FAM227A: variants seen among roughly 807,000 people sequenced by gnomAD.
FAM227A encodes family with sequence similarity 227 member A.
Under a neutral mutation model 74.7 loss-of-function variants are expected in FAM227A, and 80 were observed. That is an observed-to-expected ratio of 1.07 (90% CI 0.89 to 1.29). FAM227A has a LOEUF of 1.29. Among genes scored for constraint, FAM227A ranks in the 50% most tolerant of loss-of-function variants. FAM227A has a pLI of 0.00. For synonymous variants in FAM227A, 237 were observed against 241.8 expected (o/e 0.98, Z 0.19); for missense variants, 654 against 683.4 (o/e 0.96, Z 0.48).
intron 10 of FAM227A, 41 bp downstream of exon 10, chr22:38,623,131 G>T: frequency 7.5e-7 from 1 of 1,330,684 alleles, no homozygotes; most frequent in Non-Finnish European, 1.1e-6. Flanking sequence ...GTTGAGTATG[G>T]CAGTGGCAAA....
chr22:38,596,178 G>A (rs149804658), intron 15 of FAM227A, among the ~76,000 whole-genome samples: 1,529 of 152,100 alleles, frequency 0.01, 31 homozygotes, highest in African/African-American at 0.036. Flanking sequence ...AAAATTAGCC[G>A]GGCATGGTGG....
chr22:38,637,850 A>G (rs2092036156), intron 5 of FAM227A, among the ~76,000 whole-genome samples: 2 of 152,228 alleles, frequency 1.3e-5, no homozygotes, highest in Admixed American at 1.3e-4. Flanking sequence ...AGGTTTGGAT[A>G]CTTAAGACCT....
chr22:38,617,331 C>T (rs1396018511), intron 11 of FAM227A, among the ~76,000 whole-genome samples: 2 of 147,358 alleles, frequency 1.4e-5, no homozygotes, highest in Admixed American at 1.4e-4. Context: ...AGTCTTGCTC[C>T]GTCACCAAGG....
At position 38,581,285 on chromosome 22, in the gene FAM227A, C is replaced by T. The variant is rs370245471; in HGVS notation, c.*4840G>A. 5.7e-4 allele frequency: 87 copies of T among 152,180 alleles called. No individual in the cohort carries two copies. Among genetic ancestry groups the T allele is most frequent in the African/African-American group, 2.0e-3 (84 of 41,522 alleles). The allele number at this position is 152,180 out of a possible 1,614,324, so 9.4% of individuals were successfully genotyped here. ...TTAAGTGTGATAAGATGTTTCAGGT[C>T]TCATGATTTTCCTGCCCTAGACCTG... On this transcript the variant is annotated 3_prime_UTR_variant, in exon 17 of 17. Transcript: ENST00000535113.
chr22:38,631,306 T>A (rs1015100555), intron 6 of FAM227A, among the ~76,000 whole-genome samples: 1 of 152,122 alleles, frequency 6.6e-6, no homozygotes, highest in African/African-American at 2.4e-5. Context: ...AAATACTGCA[T>A]GTTCTCACTT....
chr22:38,626,506 G>A (rs1469574582), intron 8 of FAM227A, among the ~76,000 whole-genome samples: 1 of 151,720 alleles, frequency 6.6e-6, no homozygotes, highest in African/African-American at 2.4e-5. Context: ...CAGCCTTCTC[G>A]GTAGCTGGGA....
In FAM227A at chr22:38,628,815, CA is replaced by C; in HGVS notation, c.621+18del. The C allele has an allele frequency of 7.4e-7, 1 of 1,349,512 alleles. No homozygotes were observed. The highest frequency in any genetic ancestry group is 1.0e-6 in the Non-Finnish European group (1 of 970,204). 83.6% of individuals were successfully genotyped at this position (1,349,512 alleles called of 1,614,324 possible). The stretch of plus-strand genomic sequence containing the variant: ...AAATAACTTAAGCAAGGCAGAGAAA[CA>C]AGCAGATTTGTATTTACCTGGTACC... On this transcript the variant is annotated intron_variant, in intron 7 of 16. Coordinates refer to ENST00000535113, the MANE Select transcript of FAM227A (RefSeq NM_001013647.2).
chr22:38,648,713 C>A (rs1603083974), intron 2 of FAM227A, among the ~76,000 whole-genome samples: 1 of 151,418 alleles, frequency 6.6e-6, no homozygotes, highest in African/African-American at 2.4e-5. Context: ...TGGCTCACGC[C>A]TGTAATCCCA....
At chr22:38,615,780 A>G (rs1344214209) in intron 11 of FAM227A, among the ~76,000 whole-genome samples, 1 of 152,142 alleles carries the variant, frequency 6.6e-6, no homozygotes, top group Non-Finnish European at 1.5e-5. Context: ...TATCTGTAAA[A>G]GGTTACTCTG....
intron 6 of FAM227A, among the ~76,000 whole-genome samples, chr22:38,634,689 G>A (rs1476971080): frequency 1.3e-5 from 2 of 152,132 alleles, no homozygotes; most frequent in African/African-American, 4.8e-5. Flanking sequence ...GGAACGTGAT[G>A]CTCTGAGCAC....
chr22:38,646,249 T>C (rs928264085), intron 2 of FAM227A, among the ~76,000 whole-genome samples: 1 of 34,592 alleles, frequency 2.9e-5, no homozygotes. Context: ...CCAGTATTTC[T>C]TTTTTTTTTT....
chr22:38,639,500 C>T, intron 4 of FAM227A, 155 bp downstream of exon 4: 1 of 757,956 alleles, frequency 1.3e-6, no homozygotes, highest in East Asian at 2.7e-5. Flanking sequence ...CTCCCTCCTT[C>T]CTTGCCCAAT....
chr22:38,629,431 C>T (rs1298660386), intron 6 of FAM227A, among the ~76,000 whole-genome samples: 3 of 152,228 alleles, frequency 2.0e-5, no homozygotes, highest in Non-Finnish European at 4.4e-5. Flanking sequence ...GGCTCCAAAG[C>T]TCCCACTATA....
In FAM227A at chr22:38,581,307, C is replaced by A. The variant is rs1220781332; in HGVS notation, c.*4818G>T. ...GGTCTCATGATTTTCCTGCCCTAGA[C>A]CTGGAACTGATCATTTCTTCAAGGA... On this transcript the variant is annotated 3_prime_UTR_variant, in exon 17 of 17. Coordinates refer to ENST00000535113, the MANE Select transcript of FAM227A (RefSeq NM_001013647.2). The A allele has an allele frequency of 6.6e-6, 1 of 152,138 alleles. No homozygotes were observed. The highest frequency in any genetic ancestry group is 1.5e-5 in the Non-Finnish European group (1 of 68,028). The allele number at this position is 152,138 out of a possible 1,614,324, so 9.4% of individuals were successfully genotyped here. A position where few individuals can be genotyped will look rare whatever the true frequency, so the allele number is the denominator to read the frequency against.
At chr22:38,594,460 A>C (rs2146171575) in intron 15 of FAM227A, among the ~76,000 whole-genome samples, 1 of 152,366 alleles carries the variant, frequency 6.6e-6, no homozygotes, top group South Asian at 2.1e-4. Context: ...ACTTCGGTCC[A>C]ATAATATGTT....
chr22:38,628,802 C>G, intron 7 of FAM227A, 32 bp downstream of exon 7: 1 of 1,244,198 alleles, frequency 8.0e-7, no homozygotes, highest in East Asian at 2.5e-5. Context: ...ATAACTTAAG[C>G]AAGGCAGAGA....
At chr22:38,631,091 C>T (rs1049969312) in intron 6 of FAM227A, among the ~76,000 whole-genome samples, 1 of 152,150 alleles carries the variant, frequency 6.6e-6, no homozygotes, top group Non-Finnish European at 1.5e-5. Context: ...TCGCTTGAAC[C>T]TGGGAGGCGG....
In FAM227A at chr22:38,578,934, G is replaced by T. The variant is rs756529278; in HGVS notation, c.*7191C>A. ...TACCATGTGTCAGGCACTGTTCTAA[G>T]TGCCTCCCACAGATTCATGCATCCA... On this transcript the variant is annotated 3_prime_UTR_variant, in exon 17 of 17. Transcript: ENST00000535113. 2.0e-5 allele frequency: 3 copies of T among 152,186 alleles called. No individual in the cohort carries two copies. Among genetic ancestry groups the T allele is most frequent in the East Asian group, 1.9e-4 (1 of 5,200 alleles). The allele number at this position is 152,186 out of a possible 1,614,324, so 9.4% of individuals were successfully genotyped here.
In FAM227A at chr22:38,595,970, A is replaced by AG. The variant is rs5845387; in HGVS notation, c.1532+1233dup. Among the ~76,000 whole-genome samples the AG allele has an allele frequency of 7.1e-3, 1,027 of 144,674 alleles. 13 individuals carry two copies. Among genetic ancestry groups the AG allele is most frequent in the African/African-American group, 0.023 (889 of 37,906 alleles). The allele number at this position is 144,674 out of a possible 152,430, so 94.9% of individuals were successfully genotyped here. ...CCATGTCATAAAAAAACAACTAATA[A>AG]GGGGGGGGGGGCAGGATACTGTTAT... On this transcript the variant is annotated intron_variant, in intron 15 of 16. Coordinates refer to ENST00000535113, the MANE Select transcript of FAM227A (RefSeq NM_001013647.2).
Sources: allele counts gnomAD v4.1 joint callset (sites outside exome capture counted in the v4.1 genomes callset), GRCh38; gene constraint gnomAD v4.1.1; transcripts MANE v1.5; gene names NCBI Gene and HGNC (gene_info 2026-07-23, HGNC 2026-07-21).